TRAF3: variants seen among roughly 807,000 people sequenced by gnomAD.
The protein encoded by TRAF3 is TNF receptor associated factor 3, also known as TNF receptor-associated factor 3.
Under a neutral mutation model 62.3 loss-of-function variants are expected in TRAF3, and 13 were observed. The observed-to-expected ratio is 0.21, with a 90% CI of 0.14 to 0.33. The LOEUF is 0.33. TRAF3 is among the 10% of genes least tolerant of loss of function. TRAF3 has a pLI of 1.00. For synonymous variants in TRAF3, 269 were observed against 283.4 expected (o/e 0.95, Z 0.51); for missense variants, 440 against 741.8 (o/e 0.59, Z 4.73).
chr14:102,820,373 G>A (rs749250611), intron 1 of TRAF3, among the ~76,000 whole-genome samples: 2 of 151,708 alleles, frequency 1.3e-5, no homozygotes, highest in Non-Finnish European at 2.9e-5. Flanking sequence ...CTTGGGTGCC[G>A]GGGCCCCCTC....
intron 1 of TRAF3, among the ~76,000 whole-genome samples, chr14:102,827,677 T>G (rs1246811031): frequency 6.6e-6 from 1 of 152,218 alleles, no homozygotes; most frequent in Non-Finnish European, 1.5e-5. Context: ...ATACAGCACA[T>G]GGTCAGTGCT....
chr14:102,848,437 T>C (rs1886846471), intron 2 of TRAF3, among the ~76,000 whole-genome samples: 3 of 152,068 alleles, frequency 2.0e-5, no homozygotes. Context: ...CTTTAAAACA[T>C]AATAATAATC....
intron 1 of TRAF3, among the ~76,000 whole-genome samples, chr14:102,803,895 G>T (rs1351013604): frequency 6.6e-6 from 1 of 152,192 alleles, no homozygotes; most frequent in Non-Finnish European, 1.5e-5. Context: ...GTGACCCTAT[G>T]AAATTGACTT....
chr14:102,848,263 C>G (rs1168263087), intron 2 of TRAF3, among the ~76,000 whole-genome samples: 1 of 152,052 alleles, frequency 6.6e-6, no homozygotes, highest in Non-Finnish European at 1.5e-5. Context: ...GAAACTCTGT[C>G]TAAAAAAATA....
At chr14:102,811,738 T>C (rs1414009123) in intron 1 of TRAF3, among the ~76,000 whole-genome samples, 3 of 144,734 alleles carry the variant, frequency 2.1e-5, no homozygotes, top group Admixed American at 2.1e-4. Context: ...AGTGTGTGTG[T>C]GTGTGTGTGT....
intron 10 of TRAF3, among the ~76,000 whole-genome samples, chr14:102,900,269 G>A (rs1301667190): frequency 6.6e-6 from 1 of 151,264 alleles, no homozygotes; most frequent in Non-Finnish European, 1.5e-5. Context: ...TTGGAAGGCC[G>A]AGGCGGGTGG....
intron 2 of TRAF3, among the ~76,000 whole-genome samples, chr14:102,856,195 G>T (rs1887359644): frequency 6.6e-6 from 1 of 151,504 alleles, no homozygotes; most frequent in Non-Finnish European, 1.5e-5. Context: ...TTAAGTGAAA[G>T]CAAGTTTATT....
At chr14:102,870,059 G>A (rs1888243227) in intron 2 of TRAF3, 126 bp from the exon 3 acceptor site, 1 of 1,126,184 alleles carries the variant, frequency 8.9e-7, no homozygotes, top group African/African-American at 1.5e-5. Context: ...TATTAAAGTT[G>A]GGAAGGATTC....
chr14:102,811,650 TCTCTCAATTTGA>T (rs1238832188), intron 1 of TRAF3, among the ~76,000 whole-genome samples: 1 of 148,376 alleles, frequency 6.7e-6, no homozygotes, highest in Non-Finnish European at 1.5e-5. Flanking sequence ...TTCATTACAG[TCTCTCAATTTGA>T]CTCTCAGTTT....
intron 1 of TRAF3, among the ~76,000 whole-genome samples, chr14:102,791,106 G>A (rs912236368): frequency 7.4e-5 from 11 of 148,092 alleles, no homozygotes; most frequent in South Asian, 4.3e-4. Context: ...TGCAACCTCC[G>A]CCTCCCGGGT....
intron 1 of TRAF3, among the ~76,000 whole-genome samples, chr14:102,791,678 G>C (rs1313515104): frequency 6.6e-6 from 1 of 151,938 alleles, no homozygotes; most frequent in Non-Finnish European, 1.5e-5. Flanking sequence ...TCTTTTTCTT[G>C]CCTAATTGCT....
chr14:102,903,860 G>C lies in TRAF3; in HGVS notation c.1135+431G>C. 4.4e-6 allele frequency: 2 copies of C among 452,576 alleles called. No individual in the cohort carries two copies. The highest frequency in any genetic ancestry group is 3.1e-5 in the South Asian group (2 of 64,020). The allele number at this position is 452,576 out of a possible 1,614,324, so 28.0% of individuals were successfully genotyped here. A position where few individuals can be genotyped will look rare whatever the true frequency, so the allele number is the denominator to read the frequency against. ...CCAGCATGTTTCTGATCCACAAGCA[G>C]ATGTGGGCCTATGGCTTTGGGGACT... is the stretch of plus-strand genomic sequence containing the variant. On this transcript the variant is annotated intron_variant, in intron 11 of 11. Coordinates refer to ENST00000392745, the MANE Select transcript of TRAF3 (RefSeq NM_145725.3). The surrounding 1 kb of genome is among the most constrained non-coding windows in gnomAD (Gnocchi z 6.4).
At chr14:102,835,969 G>A (rs1031110053) in intron 2 of TRAF3, among the ~76,000 whole-genome samples, 2 of 152,234 alleles carry the variant, frequency 1.3e-5, no homozygotes, top group African/African-American at 2.4e-5. Flanking sequence ...ATGTTGGCGG[G>A]AGGATCGCTT....
intron 2 of TRAF3, among the ~76,000 whole-genome samples, chr14:102,855,919 C>T (rs1397422455): frequency 6.6e-6 from 1 of 151,836 alleles, no homozygotes; most frequent in Non-Finnish European, 1.5e-5. Context: ...TAATGACACC[C>T]CGTCTCTACA....
intron 1 of TRAF3, among the ~76,000 whole-genome samples, chr14:102,820,051 A>G (rs2139569899): frequency 6.6e-6 from 1 of 152,050 alleles, no homozygotes; most frequent in South Asian, 2.1e-4. Flanking sequence ...GGTGGTCACC[A>G]CATGCGGGTG....
intron 2 of TRAF3, among the ~76,000 whole-genome samples, chr14:102,833,522 A>G (rs1255483424): frequency 6.6e-6 from 1 of 152,170 alleles, no homozygotes; most frequent in East Asian, 1.9e-4. Context: ...GGGGTAGCAA[A>G]TTTAAATGAG....
intron 1 of TRAF3, among the ~76,000 whole-genome samples, chr14:102,823,404 C>T (rs1215272886): frequency 6.6e-6 from 1 of 152,060 alleles, no homozygotes; most frequent in East Asian, 1.9e-4. Flanking sequence ...CGACACCTCT[C>T]CCTCATGATT....
chr14:102,851,194 T>G (rs534669353), intron 2 of TRAF3, among the ~76,000 whole-genome samples: 5 of 152,356 alleles, frequency 3.3e-5, no homozygotes, highest in Admixed American at 2.6e-4. Flanking sequence ...GAATTGCCAT[T>G]AACTTATAAT....
intron 2 of TRAF3, among the ~76,000 whole-genome samples, chr14:102,852,166 C>T (rs567573314): frequency 6.6e-6 from 1 of 152,282 alleles, no homozygotes; most frequent in East Asian, 1.9e-4. Flanking sequence ...GACAAGGTCT[C>T]TCTCTTGCTC....
Sources: allele counts gnomAD v4.1 joint callset (sites outside exome capture counted in the v4.1 genomes callset), GRCh38; gene constraint gnomAD v4.1.1; non-coding constraint Gnocchi (gnomAD v3.1); transcripts MANE v1.5; gene names NCBI Gene and HGNC (gene_info 2026-07-23, HGNC 2026-07-21).